EPHA6: variants seen among roughly 807,000 people sequenced by gnomAD.
The protein encoded by EPHA6 is EPH receptor A6.
A neutral mutation model predicts 112.0 loss-of-function variants in EPHA6; 50 were observed. The observed-to-expected ratio is 0.45, with a 90% CI of 0.36 to 0.56. The LOEUF is 0.56. EPHA6 is among the 20% of genes least tolerant of loss of function. The pLI, the probability that EPHA6 is intolerant of heterozygous loss-of-function variation, is 0.00. For synonymous variants in EPHA6, 529 were observed against 490.7 expected, an observed-to-expected ratio of 1.08 and a Z score of -1.03; for missense variants, 1,280 against 1,417.4, an observed-to-expected ratio of 0.90 and a Z score of 1.56.
chr3:97,655,456 C>A (rs2094132348), intron 14 of EPHA6, among the ~76,000 whole-genome samples: 1 of 151,824 alleles, frequency 6.6e-6, no homozygotes, highest in African/African-American at 2.4e-5. Flanking sequence ...AGAGAAAGAT[C>A]TCATCATTTT....
chr3:97,567,290 A>C (rs1217039272), intron 11 of EPHA6, among the ~76,000 whole-genome samples: 1 of 152,220 alleles, frequency 6.6e-6, no homozygotes, highest in Non-Finnish European at 1.5e-5. Context: ...AGAACAAAAA[A>C]AACTTGGCAA....
intron 3 of EPHA6, among the ~76,000 whole-genome samples, chr3:97,010,377 A>G (rs1449860320): frequency 6.6e-6 from 1 of 152,212 alleles, no homozygotes; most frequent in Non-Finnish European, 1.5e-5. Context: ...AAGCTATAGT[A>G]GTAGGGTTGA....
intron 5 of EPHA6, among the ~76,000 whole-genome samples, chr3:97,382,227 C>G (rs2085791479): frequency 6.6e-6 from 1 of 151,970 alleles, no homozygotes; most frequent in Non-Finnish European, 1.5e-5. Context: ...GCTTTTATAG[C>G]AAGTTCATGG....
At chr3:96,923,885 G>C (rs2039901616) in intron 2 of EPHA6, among the ~76,000 whole-genome samples, 1 of 152,086 alleles carries the variant, frequency 6.6e-6, no homozygotes, top group Non-Finnish European at 1.5e-5. Context: ...ATTAAATAAG[G>C]AATCTTTCCC....
chr3:96,883,816 C>T (rs1362138312), intron 2 of EPHA6, among the ~76,000 whole-genome samples: 3 of 151,978 alleles, frequency 2.0e-5, no homozygotes, highest in Non-Finnish European at 2.9e-5. Flanking sequence ...TACAGGTACC[C>T]GCCACCACAC....
At position 96,814,859 on chromosome 3, in the gene EPHA6, G is replaced by T; in HGVS notation, c.236G>T (p.Cys79Phe). The T allele has an allele frequency of 6.4e-7, 1 of 1,561,798 alleles. No individual in the cohort carries two copies. The highest frequency in any genetic ancestry group is 8.7e-7 in the Non-Finnish European group (1 of 1,152,816). ...CCTACCCAGAACACCTGCCTGCGCT[G>T]CCGCCACTTCTCTTTAAGGGAGAGG... ...PHPTQNTCLR[C>F]RHFSLRERKR... The change falls in exon 1 of 18, where the codon TGC (cysteine) becomes TTC (phenylalanine). Residue 79 changes from cysteine (C) to phenylalanine (F), a missense_variant. Physicochemically the swap from Cys to Phe is radical, Grantham distance 205 (BLOSUM62 -2). Transcript: ENST00000389672.
chr3:97,104,288 T>C (rs928402675), intron 3 of EPHA6, among the ~76,000 whole-genome samples: 3 of 152,148 alleles, frequency 2.0e-5, no homozygotes, highest in African/African-American at 7.2e-5. Context: ...AAGTTTGTCA[T>C]AGAAGGCTCT....
At chr3:97,195,883 G>T (rs1297005504) in intron 3 of EPHA6, among the ~76,000 whole-genome samples, 1 of 151,884 alleles carries the variant, frequency 6.6e-6, no homozygotes, top group Non-Finnish European at 1.5e-5. Context: ...TATGTTATTT[G>T]TGTCTTTTTT....
chr3:97,327,905 GTATATATA>G (rs548084867), intron 5 of EPHA6, among the ~76,000 whole-genome samples: 1 of 126,522 alleles, frequency 7.9e-6, no homozygotes, highest in Admixed American at 8.3e-5. Context: ...GTATATGTGT[GTATATATA>G]TGTATATGTG....
chr3:97,359,819 G>A (rs752110579), intron 5 of EPHA6, among the ~76,000 whole-genome samples: 5 of 151,230 alleles, frequency 3.3e-5, no homozygotes, highest in African/African-American at 7.4e-5. Context: ...ATCAGCATGC[G>A]GTGTAAACGT....
intron 1 of EPHA6, among the ~76,000 whole-genome samples, chr3:96,846,056 G>C (rs1196914149): frequency 1.3e-5 from 2 of 152,020 alleles, no homozygotes; most frequent in African/African-American, 4.8e-5. Context: ...CAATATGCCT[G>C]TTGTGAGCCA....
chr3:97,612,924 A>T (rs2093732639), intron 13 of EPHA6, among the ~76,000 whole-genome samples: 1 of 152,040 alleles, frequency 6.6e-6, no homozygotes, highest in African/African-American at 2.4e-5. Context: ...AGTCTCTATG[A>T]CTCAAAAAGC....
intron 7 of EPHA6, among the ~76,000 whole-genome samples, chr3:97,466,742 T>G (rs2091068442): frequency 6.6e-6 from 1 of 151,940 alleles, no homozygotes; most frequent in African/African-American, 2.4e-5. Context: ...TGGAGTCAGT[T>G]TCAGTTTAAA....
At chr3:97,562,324 A>G (rs1345052822) in intron 11 of EPHA6, among the ~76,000 whole-genome samples, 1 of 152,152 alleles carries the variant, frequency 6.6e-6, no homozygotes, top group Non-Finnish European at 1.5e-5. Flanking sequence ...GAACATCTGT[A>G]TTTCATGGGA....
intron 5 of EPHA6, among the ~76,000 whole-genome samples, chr3:97,391,585 CG>C (rs1406430445): frequency 1.1e-4 from 17 of 151,708 alleles, no homozygotes; most frequent in Non-Finnish European, 2.4e-4. Context: ...TAGAAAAGTG[CG>C]GTACAATATA....
chr3:96,945,789 GA>G (rs901918048), intron 2 of EPHA6, among the ~76,000 whole-genome samples: 1 of 152,056 alleles, frequency 6.6e-6, no homozygotes, highest in African/African-American at 2.4e-5. Flanking sequence ...AGGTGAAAAA[GA>G]ATAAATGCAT....
intron 3 of EPHA6, among the ~76,000 whole-genome samples, chr3:97,177,293 A>C (rs554940876): frequency 6.6e-6 from 1 of 151,928 alleles, no homozygotes; most frequent in African/African-American, 2.4e-5. Flanking sequence ...TTGTGACCTA[A>C]CATATGGCCT....
At chr3:97,114,159 C>A (rs1453461445) in intron 3 of EPHA6, among the ~76,000 whole-genome samples, 1 of 152,104 alleles carries the variant, frequency 6.6e-6, no homozygotes, top group Non-Finnish European at 1.5e-5. Flanking sequence ...AAGACCTCTT[C>A]TTCTTTATAC....
intron 2 of EPHA6, among the ~76,000 whole-genome samples, chr3:96,980,233 G>A (rs1387347957): frequency 1.3e-5 from 2 of 152,144 alleles, no homozygotes. Flanking sequence ...TTTGTATAAG[G>A]TGTAAGGAAG....
Sources: gnomAD v4.1 joint callset for allele counts (sites outside exome capture counted in the v4.1 genomes callset) on GRCh38, gnomAD v4.1.1 for gene constraint, MANE v1.5 for transcripts, NCBI Gene and HGNC (gene_info 2026-07-23, HGNC 2026-07-21) for gene names.